The following EDRF1 variants were observed in gnomAD, a reference collection of about 807,000 sequenced individuals.
EDRF1 encodes the protein erythroid differentiation regulatory factor 1.
A neutral mutation model predicts 148.7 loss-of-function variants in EDRF1; 69 were observed. The observed-to-expected ratio is 0.46, with a 90% confidence interval of 0.38 to 0.57. EDRF1 has a LOEUF of 0.57. Ranked by LOEUF, EDRF1 falls within the 20% of genes least tolerant of loss-of-function variation. The pLI is 0.00. For synonymous variants in EDRF1, 515 were observed against 532.8 expected (o/e 0.97, Z 0.46); for missense variants, 1,118 against 1,478.7 (o/e 0.76, Z 4.00).
intron 21 of EDRF1, 122 bp downstream of exon 21, chr10:125,748,134 T>A: frequency 8.3e-7 from 1 of 1,198,762 alleles, no homozygotes; most frequent in Non-Finnish European, 1.2e-6. Context: ...ACTGCTGTCC[T>A]AAATTTTCTG....
At chr10:125,729,132 C>T in intron 7 of EDRF1, 28 bp downstream of exon 7, 1 of 1,535,484 alleles carries the variant, frequency 6.5e-7, no homozygotes, top group Non-Finnish European at 8.8e-7. Context: ...TCCAAGGTGA[C>T]AGCAAATCCC....
intron 13 of EDRF1, among the ~76,000 whole-genome samples, chr10:125,736,339 C>T (rs1848730255): frequency 6.6e-6 from 1 of 152,094 alleles, no homozygotes; most frequent in Non-Finnish European, 1.5e-5. Context: ...TAGGACAGTA[C>T]TTTTTTCGTG....
chr10:125,746,332 G>C lies in EDRF1; in HGVS notation c.2814+402G>C, dbSNP rs193125184. ...GTAAAAGTTGAATAAACTCAAATGTGTAAAATTAAAGTTCTAAAATGCACA... is the reference window on the plus strand; with the variant it reads ...GTAAAAGTTGAATAAACTCAAATGTCTAAAATTAAAGTTCTAAAATGCACA... On this transcript the variant is annotated intron_variant, in intron 19 of 24. Transcript: ENST00000356792. Among the ~76,000 whole-genome samples the C allele has an allele frequency of 2.6e-5, 4 of 152,208 alleles. No individual in the cohort carries two copies. The East Asian group carries it at 7.7e-4, about 29-fold the overall frequency.
chr10:125,748,198 TGCTCCATGTTGAGCATGGGAAAACG>T, intron 21 of EDRF1, 186 bp downstream of exon 21: 1 of 698,880 alleles, frequency 1.4e-6, no homozygotes, highest in Non-Finnish European at 2.5e-6. Context: ...GTCCGCATTG[TGCTCCATGTTGAGCATGGGAAAACG>T]AATCCGCTGT....
In EDRF1 at chr10:125,734,769, A is replaced by C. The variant is rs139875977; in HGVS notation, c.1497+586A>C. On this transcript the variant is annotated intron_variant, in intron 12 of 24. Transcript: ENST00000356792. ...ATATTCCCTCAGTCATGCTCCCAAC[A>C]GTTTTACACCATCCTTACCCTCGGT... Among the ~76,000 whole-genome samples the C allele has an allele frequency of 6.6e-4, 101 of 152,238 alleles. 1 individual carries two copies. The South Asian group carries it at 0.01, about 15-fold the overall frequency.
intron 24 of EDRF1, among the ~76,000 whole-genome samples, chr10:125,756,111 T>G (rs1174418769): frequency 1.3e-5 from 2 of 152,238 alleles, no homozygotes; most frequent in Non-Finnish European, 2.9e-5. Context: ...AAGCACTGCT[T>G]TTGCTACATC....
At chr10:125,748,253 G>A in intron 21 of EDRF1, 1 of 568,230 alleles carries the variant, frequency 1.8e-6, no homozygotes, top group East Asian at 3.1e-5. Context: ...GTGGCTTACT[G>A]CCTGTCACTT....
chr10:125,742,138 T>C, intron 17 of EDRF1: 1 of 990,440 alleles, frequency 1.0e-6, no homozygotes, highest in Non-Finnish European at 1.4e-6. Flanking sequence ...TCCTTGGGGC[T>C]GAAATAAAGT....
Position 125,753,752 on chromosome 10 carries a change from A to C in EDRF1, c.3452A>C (p.Glu1151Ala). The stretch of plus-strand genomic sequence containing the variant: ...GCTTCTCCTAGTCTCAATCGAGAAG[A>C]AGTGATGAAACTCCTCAGTATATTT... Reference protein sequence around the residue: ...ADASPSLNREEVMKLLSIFES... With the variant: ...ADASPSLNREAVMKLLSIFES... Residue 1151 changes from glutamate to alanine, a missense_variant, in exon 24 of 25, where the codon GAA (glutamate) becomes GCA (alanine). Physicochemically the swap from Glu to Ala is moderately radical, Grantham distance 107. Around this residue, in one of 3 missense-constraint regions of EDRF1, gnomAD observed 954 missense variants for 1,241.4 expected, o/e 0.77. Coordinates refer to ENST00000356792, the MANE Select transcript of EDRF1 (RefSeq NM_001202438.2). 6.2e-7 allele frequency: 1 copy of C among 1,614,032 alleles called. No homozygotes were observed. The highest frequency in any genetic ancestry group is 8.5e-7 in the Non-Finnish European group (1 of 1,180,006).
Position 125,748,032 on chromosome 10 carries a change from A to G in EDRF1, c.3123+20A>G, listed in dbSNP as rs2133743910. On this transcript the variant is annotated intron_variant, in intron 21 of 24. Transcript: ENST00000356792. Reference sequence around the variant, plus strand: ...AATCAGGTATTGTCAGTCCAAGTTAAGTACAGTGCCACATCAGTTTAAAAG... The same window carrying G: ...AATCAGGTATTGTCAGTCCAAGTTAGGTACAGTGCCACATCAGTTTAAAAG... 6.2e-7 allele frequency: 1 copy of G among 1,613,944 alleles called. No homozygotes were observed. The highest frequency in any genetic ancestry group is 1.1e-5 in the South Asian group (1 of 91,082).
Position 125,747,393 on chromosome 10 carries a change from C to T in EDRF1, c.2815-143C>T. 3.2e-6 allele frequency: 3 copies of T among 947,508 alleles called. No homozygotes were observed. In the Admixed American group the frequency reaches 6.6e-5, roughly 21 times the overall value. 58.7% of individuals were successfully genotyped at this position (947,508 alleles called of 1,614,324 possible). A position where few individuals can be genotyped will look rare whatever the true frequency, so the allele number is the denominator to read the frequency against. ...AATATTTTCATTGACTTACTTTTTTCATTTCCTCATAATATTGTCTCTTTA... is the reference window on the plus strand; with the variant it reads ...AATATTTTCATTGACTTACTTTTTTTATTTCCTCATAATATTGTCTCTTTA... On this transcript the variant is annotated intron_variant, in intron 19 of 24. Transcript: ENST00000356792.
At position 125,741,098 on chromosome 10, in the gene EDRF1, C is replaced by G; in HGVS notation, c.2268C>G (p.Ala756=). The G allele has an allele frequency of 2.5e-6, 4 of 1,613,982 alleles. No individual in the cohort carries two copies. The highest frequency in any genetic ancestry group is 3.4e-6 in the Non-Finnish European group (4 of 1,180,024). The change falls in exon 17 of 25, where the codon GCC becomes GCG. Residue 756 remains alanine, a synonymous_variant. Coordinates refer to ENST00000356792, the MANE Select transcript of EDRF1 (RefSeq NM_001202438.2). The part of the protein sequence containing the change: ...TLCGDIQLML[A]QNANNRAAHL... ...GTGGTGATATCCAACTAATGCTGGCCCAGAATGCAAATAATAGAGCAGCAC... is the reference window on the plus strand; with the variant it reads ...GTGGTGATATCCAACTAATGCTGGCGCAGAATGCAAATAATAGAGCAGCAC...
chr10:125,743,569 T>C (rs1393218607), intron 18 of EDRF1, among the ~76,000 whole-genome samples: 1 of 152,166 alleles, frequency 6.6e-6, no homozygotes, highest in African/African-American at 2.4e-5. Context: ...TGTAACTGGC[T>C]AAAATATGGT....
chr10:125,745,621 A>G lies in EDRF1; in HGVS notation c.2591-86A>G, dbSNP rs950950283. On this transcript the variant is annotated intron_variant, in intron 18 of 24. Transcript: ENST00000356792. ...TCGCCACCACACTCCTGTCACTGCCATCCTCCTCTTATCTCATCAAGAGAC... is the reference window on the plus strand; with the variant it reads ...TCGCCACCACACTCCTGTCACTGCCGTCCTCCTCTTATCTCATCAAGAGAC... 9 of 1,410,346 alleles carry G rather than the reference A, an allele frequency of 6.4e-6. No homozygotes were observed. In the African/African-American group the frequency reaches 1.3e-4, roughly 20 times the overall value. The allele number at this position is 1,410,346 out of a possible 1,614,324, so 87.4% of individuals were successfully genotyped here. A position where few individuals can be genotyped will look rare whatever the true frequency, so the allele number is the denominator to read the frequency against.
chr10:125,741,118 C>T lies in EDRF1; in HGVS notation c.2288C>T (p.Ala763Val). Reference protein sequence around the residue: ...LMLAQNANNRAAHLEEFHYQT... With the variant: ...LMLAQNANNRVAHLEEFHYQT... ...CTGGCCCAGAATGCAAATAATAGAG[C>T]AGCACACCTTGAAGAGTTTCATTAC... The change falls in exon 17 of 25, where the codon GCA becomes GTA. Residue 763 changes from alanine to valine, a missense_variant. Coordinates refer to ENST00000356792, the MANE Select transcript of EDRF1 (RefSeq NM_001202438.2). 1 of 1,614,138 alleles carries T rather than the reference C, an allele frequency of 6.2e-7. No individual in the cohort carries two copies. Among genetic ancestry groups the T allele is most frequent in the East Asian group, 2.2e-5 (1 of 44,884 alleles).
chr10:125,724,988 TCAGCAGTTCATTGTTTGG>T (rs1472363272), intron 4 of EDRF1, among the ~76,000 whole-genome samples: 10 of 152,210 alleles, frequency 6.6e-5, no homozygotes, highest in South Asian at 2.1e-4. Flanking sequence ...GCCTTGCTCC[TCAGCAGTTCATTGTTTGG>T]GGTTATAAAC....
Position 125,741,208 on chromosome 10 carries a change from C to T in EDRF1, c.2371+7C>T, listed in dbSNP as rs1589846010. 6 of 1,613,964 alleles carry T rather than the reference C, an allele frequency of 3.7e-6. No homozygotes were observed. The highest frequency in any genetic ancestry group is 1.6e-4 in the Middle Eastern group (1 of 6,062). On this transcript the variant is annotated splice_region_variant and intron_variant, in intron 17 of 24. Transcript: ENST00000356792. ...AGAGAGTCCAGTTGCCAAGGTGTGC[C>T]ACAGGCTTGGACCACGTGGTTCACA...
chr10:125,763,497 C>A lies in EDRF1; in HGVS notation c.*25C>A, dbSNP rs372991014. 3 of 1,601,206 alleles carry A rather than the reference C, an allele frequency of 1.9e-6. No individual in the cohort carries two copies. The highest frequency in any genetic ancestry group is 2.7e-5 in the African/African-American group (2 of 74,842). ...ACTGCACAGAGCCGTGTCCCAGACACGCTGTCAGTGCCTTCAACACGGAGC... is the reference window on the plus strand; with the variant it reads ...ACTGCACAGAGCCGTGTCCCAGACAAGCTGTCAGTGCCTTCAACACGGAGC... On this transcript the variant is annotated 3_prime_UTR_variant, in exon 25 of 25. Transcript: ENST00000356792. The surrounding 1 kb of genome is among the most constrained non-coding windows in gnomAD (Gnocchi z 4.3).
At chr10:125,746,062 C>A in intron 19 of EDRF1, 132 bp downstream of exon 19, 1 of 791,826 alleles carries the variant, frequency 1.3e-6, no homozygotes, top group Non-Finnish European at 2.1e-6. Context: ...CCAGACAGAT[C>A]GTGAAAACAC....
Sources: gnomAD v4.1 joint callset for allele counts (sites outside exome capture counted in the v4.1 genomes callset) on GRCh38, gnomAD v4.1.1 for gene constraint, gnomAD v4.1.1 regional missense constraint, Gnocchi (gnomAD v3.1) non-coding constraint, MANE v1.5 for transcripts, NCBI Gene and HGNC (gene_info 2026-07-23, HGNC 2026-07-21) for gene names.